EYA2: variants seen among roughly 807,000 people sequenced by gnomAD.
EYA2 encodes the protein EYA transcriptional coactivator and phosphatase 2.
Under a neutral mutation model 69.2 loss-of-function variants are expected in EYA2, and 31 were observed. The ratio of observed to expected loss-of-function variants is 0.45; its 90% confidence interval spans 0.34 to 0.60. The LOEUF is 0.60. Among genes scored for constraint, EYA2 ranks in the 20% least tolerant of loss-of-function variants. The pLI, the probability that EYA2 is intolerant of heterozygous loss-of-function variation, is 0.02. For missense variants in EYA2, 622 were observed against 701.2 expected, an observed-to-expected ratio of 0.89 and a Z score of 1.28; for synonymous variants, 257 against 279.4, an observed-to-expected ratio of 0.92 and a Z score of 0.80.
At chr20:47,144,090 GC>G (rs2033654109) in intron 10 of EYA2, among the ~76,000 whole-genome samples, 1 of 152,216 alleles carries the variant, frequency 6.6e-6, no homozygotes, top group Non-Finnish European at 1.5e-5. Context: ...GGGCGCGGTG[GC>G]TCACGCCTGT....
At chr20:47,102,852 C>T (rs1041646262) in intron 9 of EYA2, among the ~76,000 whole-genome samples, 23 of 152,260 alleles carry the variant, frequency 1.5e-4, no homozygotes, top group African/African-American at 4.1e-4. Context: ...CCCTCCCTTC[C>T]CCTACCACCC....
At chr20:47,147,522 C>T (rs976550067) in intron 10 of EYA2, among the ~76,000 whole-genome samples, 6 of 152,144 alleles carry the variant, frequency 3.9e-5, no homozygotes, top group African/African-American at 1.4e-4. Flanking sequence ...GCAGAGGGAA[C>T]AGGAAGAATT....
intron 9 of EYA2, among the ~76,000 whole-genome samples, chr20:47,100,822 G>A (rs1600709287): frequency 6.6e-6 from 1 of 152,230 alleles, no homozygotes; most frequent in African/African-American, 2.4e-5. Flanking sequence ...CAAAATAATT[G>A]TGACTTAAAC....
intron 10 of EYA2, among the ~76,000 whole-genome samples, chr20:47,163,354 G>T (rs971069772): frequency 6.6e-6 from 1 of 151,994 alleles, no homozygotes; most frequent in African/African-American, 2.4e-5. Flanking sequence ...TTTAACCTGC[G>T]TTTTTCACAC....
chr20:47,004,930 CT>C lies in EYA2; in HGVS notation c.156-9del. The C allele has an allele frequency of 6.2e-7, 1 of 1,614,048 alleles. No homozygotes were observed. The highest frequency in any genetic ancestry group is 8.5e-7 in the Non-Finnish European group (1 of 1,179,948). ...TGGGCCTGGAGATTTAATCTTCCCT[CT>C]TTCCACACAGATCTTGCCCACGTGT... On this transcript the variant is annotated splice_polypyrimidine_tract_variant and intron_variant, in intron 3 of 15. Coordinates refer to ENST00000327619, the MANE Select transcript of EYA2 (RefSeq NM_005244.5).
At chr20:47,116,687 T>G (rs1175129867) in intron 9 of EYA2, among the ~76,000 whole-genome samples, 5 of 152,110 alleles carry the variant, frequency 3.3e-5, no homozygotes, top group Admixed American at 6.5e-5. Context: ...TGACCCACCC[T>G]TCCTTCCCCT....
chr20:47,081,464 T>A (rs1301151491), intron 7 of EYA2, among the ~76,000 whole-genome samples: 1 of 152,014 alleles, frequency 6.6e-6, no homozygotes, highest in Non-Finnish European at 1.5e-5. Context: ...ATCATCATCA[T>A]CTACAGGGTT....
At chr20:47,089,438 A>G (rs1215767606) in intron 8 of EYA2, 57 bp downstream of exon 8, 6 of 1,551,146 alleles carry the variant, frequency 3.9e-6, no homozygotes, top group Non-Finnish European at 5.2e-6. Context: ...TGAGGCCCAA[A>G]CAAGAGTGGG....
chr20:46,935,433 G>A (rs754363426), intron 1 of EYA2, among the ~76,000 whole-genome samples: 9 of 152,130 alleles, frequency 5.9e-5, no homozygotes, highest in Non-Finnish European at 1.0e-4. Flanking sequence ...AGTGTTTGGC[G>A]CCTAAGAAGT....
intron 2 of EYA2, among the ~76,000 whole-genome samples, chr20:46,991,086 C>T (rs964124018): frequency 1.3e-5 from 2 of 152,250 alleles, no homozygotes; most frequent in Admixed American, 1.3e-4. Flanking sequence ...AACATACCCT[C>T]ATTCTTCCTG....
At chr20:47,162,021 G>A (rs1359132815) in intron 10 of EYA2, among the ~76,000 whole-genome samples, 1 of 152,190 alleles carries the variant, frequency 6.6e-6, no homozygotes, top group Non-Finnish European at 1.5e-5. Context: ...GGGCTGCAAG[G>A]GAGAATCTTT....
intron 12 of EYA2, among the ~76,000 whole-genome samples, chr20:47,174,020 T>C (rs80006564): frequency 0.015 from 2,235 of 152,332 alleles, 41 homozygotes; most frequent in African/African-American, 0.049. Flanking sequence ...AGCCGTAGTC[T>C]AGAGAATTCT....
rs193294946 is a variant in EYA2, at chr20:46,970,263, T to C, written c.-10-19738T>C. Reference sequence around the variant, plus strand: ...ATAGCCACCATTTTGAAAATTTCTCTGTTTCCATTTCACTACTGTCCTCTG... The same window carrying C: ...ATAGCCACCATTTTGAAAATTTCTCCGTTTCCATTTCACTACTGTCCTCTG... On this transcript the variant is annotated intron_variant, in intron 1 of 15. Transcript: ENST00000327619. Among the ~76,000 whole-genome samples, 3 of 152,360 alleles carry C rather than the reference T, an allele frequency of 2.0e-5. No homozygotes were observed. In the East Asian group the frequency reaches 5.8e-4, roughly 29 times the overall value.
At chr20:47,030,453 T>A (rs1208221002) in intron 5 of EYA2, among the ~76,000 whole-genome samples, 2 of 152,204 alleles carry the variant, frequency 1.3e-5, no homozygotes, top group East Asian at 3.8e-4. Context: ...CAGCGTAGGC[T>A]CTGTTGCAGG....
chr20:47,001,626 C>A (rs1481720306), intron 3 of EYA2, among the ~76,000 whole-genome samples, 153 bp downstream of exon 3: 2 of 152,148 alleles, frequency 1.3e-5, no homozygotes, highest in African/African-American at 2.4e-5. Context: ...GCAAGTCACT[C>A]CACCTCCCTG....
intron 1 of EYA2, among the ~76,000 whole-genome samples, chr20:46,935,814 T>C (rs1353269431): frequency 1.3e-5 from 2 of 151,662 alleles, no homozygotes; most frequent in African/African-American, 4.9e-5. Context: ...GTTATATTAA[T>C]ATAATATGTT....
rs1600604069 is a variant in EYA2 at position 46,980,596 on chromosome 20, C to G, written c.-10-9405C>G. The stretch of plus-strand genomic sequence containing the variant: ...GGATTTCATCCCCTTAGATATGTAT[C>G]TTTTCTTTATGTTAGCATCATTCAA... On this transcript the variant is annotated intron_variant, in intron 1 of 15. Transcript: ENST00000327619. Among the ~76,000 whole-genome samples the G allele has an allele frequency of 2.6e-5, 4 of 152,262 alleles. No individual in the cohort carries two copies. In the South Asian group the frequency reaches 8.3e-4, roughly 32 times the overall value.
chr20:47,099,788 C>T (rs1429437285), intron 9 of EYA2, among the ~76,000 whole-genome samples: 2 of 148,976 alleles, frequency 1.3e-5, no homozygotes, highest in Middle Eastern at 3.2e-3. Flanking sequence ...CGTCTGTCCT[C>T]ATAACTGTGT....
At chr20:46,966,270 A>G (rs570023056) in intron 1 of EYA2, among the ~76,000 whole-genome samples, 3 of 152,248 alleles carry the variant, frequency 2.0e-5, no homozygotes, top group Non-Finnish European at 4.4e-5. Flanking sequence ...TACAGGGATG[A>G]GCCACTGTGC....
Sources: allele counts gnomAD v4.1 joint callset (sites outside exome capture counted in the v4.1 genomes callset), GRCh38; gene constraint gnomAD v4.1.1; transcripts MANE v1.5; gene names NCBI Gene and HGNC (gene_info 2026-07-23, HGNC 2026-07-21).